Variants in DLG2 observed in about 807,000 individuals in gnomAD.
The protein encoded by DLG2 is discs large MAGUK scaffold protein 2.
A neutral mutation model predicts 132.5 loss-of-function variants in DLG2; 45 were observed. That is an observed-to-expected ratio of 0.34 (90% CI 0.27 to 0.44). DLG2 has a LOEUF of 0.44. Among genes scored for constraint, DLG2 ranks in the 20% least tolerant of loss-of-function variants. The pLI, the probability that DLG2 is intolerant of heterozygous loss-of-function variation, is 1.00. For missense variants in DLG2, 1,045 were observed against 1,196.9 expected (o/e 0.87, Z 1.87); for synonymous variants, 424 against 419.6 (o/e 1.01, Z -0.13).
intron 21 of DLG2, among the ~76,000 whole-genome samples, chr11:83,499,614 C>T (rs2094337499): frequency 6.6e-6 from 1 of 150,818 alleles, no homozygotes; most frequent in Non-Finnish European, 1.5e-5. Context: ...ACCCTCTACA[C>T]TCTCCGTATT....
chr11:84,525,517 C>T (rs1028006363), intron 7 of DLG2, among the ~76,000 whole-genome samples: 5 of 152,216 alleles, frequency 3.3e-5, no homozygotes, highest in African/African-American at 1.2e-4. Flanking sequence ...CTATCCTTCC[C>T]TTCAACCCCA....
At chr11:84,424,557 C>T (rs528477516) in intron 7 of DLG2, among the ~76,000 whole-genome samples, 5 of 152,138 alleles carry the variant, frequency 3.3e-5, no homozygotes, top group African/African-American at 4.8e-5. Context: ...AGGAAGCACA[C>T]GAGGTTTAAG....
chr11:84,594,885 C>A (rs1469000493), intron 6 of DLG2, among the ~76,000 whole-genome samples: 1 of 152,150 alleles, frequency 6.6e-6, no homozygotes, highest in Non-Finnish European at 1.5e-5. Context: ...GTGATCATTA[C>A]TGGTTTAAAG....
At chr11:84,541,810 C>T (rs188532388) in intron 6 of DLG2, among the ~76,000 whole-genome samples, 205 of 152,184 alleles carry the variant, frequency 1.3e-3, no homozygotes, top group African/African-American at 4.8e-3. Context: ...TACCACAGTC[C>T]CCCCTACACA....
At chr11:85,593,571 T>A (rs914379133) in intron 3 of DLG2, among the ~76,000 whole-genome samples, 4 of 152,148 alleles carry the variant, frequency 2.6e-5, no homozygotes, top group Non-Finnish European at 5.9e-5. Context: ...CAAAAAAAGA[T>A]ATAAATAAAC....
chr11:85,413,109 AC>A (rs1247400220), intron 3 of DLG2, among the ~76,000 whole-genome samples: 1 of 151,808 alleles, frequency 6.6e-6, no homozygotes, highest in African/African-American at 2.4e-5. Flanking sequence ...CCATTCTTGC[AC>A]GAGTAAGGTG....
At chr11:84,306,341 A>T (rs995822742) in intron 7 of DLG2, among the ~76,000 whole-genome samples, 5 of 152,218 alleles carry the variant, frequency 3.3e-5, no homozygotes, top group African/African-American at 9.6e-5. Flanking sequence ...TATTAACAGG[A>T]GTCTCAAATC....
Position 83,642,186 on chromosome 11 carries a change from G to A in DLG2, c.1826-8861C>T, listed in dbSNP as rs139943377. On this transcript the variant is annotated intron_variant, in intron 18 of 27. Transcript: ENST00000376104. Reference sequence around the variant, plus strand: ...TATCCTAACACCTGGCATAGCGTGTGGCACACAGTTATCAGCTAATAAATG... The same window carrying A: ...TATCCTAACACCTGGCATAGCGTGTAGCACACAGTTATCAGCTAATAAATG... Among the ~76,000 whole-genome samples the A allele has an allele frequency of 8.2e-3, 1,244 of 152,266 alleles. 23 individuals are homozygous for A. The highest frequency in any genetic ancestry group is 0.028 in the African/African-American group (1,179 of 41,546).
chr11:85,291,207 T>C (rs2078869102), intron 3 of DLG2, among the ~76,000 whole-genome samples: 1 of 152,126 alleles, frequency 6.6e-6, no homozygotes. Context: ...CTTAAGAAAA[T>C]ACGATTCTTA....
intron 13 of DLG2, among the ~76,000 whole-genome samples, chr11:83,964,867 T>C (rs767098845): frequency 2.6e-5 from 4 of 151,962 alleles, no homozygotes; most frequent in African/African-American, 7.2e-5. Flanking sequence ...GTGATGGTGA[T>C]TGAGGATCAT....
intron 6 of DLG2, among the ~76,000 whole-genome samples, chr11:84,781,726 T>G (rs939797699): frequency 3.9e-5 from 6 of 152,136 alleles, no homozygotes; most frequent in African/African-American, 1.4e-4. Flanking sequence ...AGAATATTCA[T>G]GTTTAGAGTG....
rs2092136835 is a variant in DLG2 at position 84,098,966 on chromosome 11, T to G, written c.706A>C (p.Lys236Gln). Residue 236 changes from lysine to glutamine, a missense_variant, in exon 10 of 28, where the codon AAG becomes CAG. By Grantham distance (53) the Lys-to-Gln change is moderately conservative. Transcript: ENST00000376104. ...GCTGCAGCACCTCCTGGTATAATCT[T>G]CGTAATAAATATGCCAGGGTCATCT... ...IGDDPGIFITKIIPGGAAAED... is the reference protein window; with the variant it reads ...IGDDPGIFITQIIPGGAAAED... 1 of 1,613,684 alleles carries G rather than the reference T, an allele frequency of 6.2e-7. No homozygotes were observed. The highest frequency in any genetic ancestry group is 1.3e-5 in the African/African-American group (1 of 75,000).
chr11:83,606,814 C>T (rs939766346), intron 19 of DLG2, among the ~76,000 whole-genome samples: 1 of 152,082 alleles, frequency 6.6e-6, no homozygotes, highest in Non-Finnish European at 1.5e-5. Flanking sequence ...GTGGTCCCAG[C>T]TGCTCAGGAG....
At chr11:84,348,742 C>T (rs2098549714) in intron 7 of DLG2, among the ~76,000 whole-genome samples, 1 of 152,048 alleles carries the variant, frequency 6.6e-6, no homozygotes. Flanking sequence ...TAGAGTGAGC[C>T]CTAATCCAAA....
chr11:85,023,592 T>C (rs550578991), intron 6 of DLG2, among the ~76,000 whole-genome samples: 1 of 152,182 alleles, frequency 6.6e-6, no homozygotes, highest in South Asian at 2.1e-4. Context: ...AAAATAGTTT[T>C]CTACTCTCAA....
At chr11:83,940,742 T>G (rs2082465330) in intron 14 of DLG2, among the ~76,000 whole-genome samples, 1 of 152,212 alleles carries the variant, frequency 6.6e-6, no homozygotes, top group Non-Finnish European at 1.5e-5. Flanking sequence ...CTATCTAGAT[T>G]CAAGTCCGGC....
At chr11:83,902,468 G>T (rs2073740041) in intron 15 of DLG2, among the ~76,000 whole-genome samples, 1 of 152,188 alleles carries the variant, frequency 6.6e-6, no homozygotes. Flanking sequence ...TGCACAAGGG[G>T]TACTATTTTG....
intron 16 of DLG2, among the ~76,000 whole-genome samples, chr11:83,839,954 T>G (rs2057180138): frequency 6.6e-6 from 1 of 152,182 alleles, no homozygotes; most frequent in African/African-American, 2.4e-5. Flanking sequence ...GATCCTAGTT[T>G]CAATCTTCCA....
At chr11:84,799,558 C>T (rs941928531) in intron 6 of DLG2, among the ~76,000 whole-genome samples, 3 of 152,192 alleles carry the variant, frequency 2.0e-5, no homozygotes, top group African/African-American at 7.2e-5. Context: ...TGGTGTTCCT[C>T]TTACGAGGAC....
Sources: allele counts gnomAD v4.1 joint callset (sites outside exome capture counted in the v4.1 genomes callset), GRCh38; gene constraint gnomAD v4.1.1; transcripts MANE v1.5; gene names NCBI Gene and HGNC (gene_info 2026-07-23, HGNC 2026-07-21).